Variants in RARB observed in about 807,000 individuals in gnomAD.
RARB encodes the protein HBV-activated protein.
Under a neutral mutation model 51.9 loss-of-function variants are expected in RARB, and 17 were observed. That is an observed-to-expected ratio of 0.33 (90% confidence interval 0.22 to 0.49). The LOEUF (loss-of-function observed/expected upper bound fraction) is 0.49. Among genes scored for constraint, RARB ranks in the 20% least tolerant of loss-of-function variants. The probability of loss-of-function intolerance (pLI) is 0.99; values close to 1 mark genes in which losing one functional copy is unlikely to be tolerated. For missense variants in RARB, 369 were observed against 550.8 expected (o/e 0.67, Z 3.30); for synonymous variants, 215 against 195.4 (o/e 1.10, Z -0.84).
At chr3:25,214,821 C>T (rs1446160723) in intron 5 of RARB, among the ~76,000 whole-genome samples, 1 of 152,222 alleles carries the variant, frequency 6.6e-6, no homozygotes, top group East Asian at 1.9e-4. Context: ...AAAACAGAGG[C>T]TAAGCCTTTT....
chr3:25,162,955 G>C (rs768475489), intron 4 of RARB, among the ~76,000 whole-genome samples: 4 of 152,176 alleles, frequency 2.6e-5, no homozygotes, highest in Admixed American at 6.5e-5. Context: ...AAATTACTGG[G>C]TTATATGGTA....
At chr3:25,061,761 A>G (rs539029505) in intron 3 of RARB, among the ~76,000 whole-genome samples, 1 of 151,932 alleles carries the variant, frequency 6.6e-6, no homozygotes, top group South Asian at 2.1e-4. Flanking sequence ...GTTAATAATG[A>G]CTATGGTTTA....
At chr3:25,137,988 A>G (rs769732466) in intron 4 of RARB, among the ~76,000 whole-genome samples, 1 of 152,116 alleles carries the variant, frequency 6.6e-6, no homozygotes, top group Non-Finnish European at 1.5e-5. Flanking sequence ...CTTTTTACCT[A>G]AGATCAAATT....
chr3:25,087,750 G>A (rs1699128449), intron 3 of RARB, among the ~76,000 whole-genome samples: 1 of 151,966 alleles, frequency 6.6e-6, no homozygotes. Flanking sequence ...GGCAGTAAAA[G>A]AGAAAGTGCT....
chr3:25,184,366 G>A (rs1219829400), intron 5 of RARB, among the ~76,000 whole-genome samples: 2 of 152,086 alleles, frequency 1.3e-5, no homozygotes, highest in South Asian at 4.1e-4. Flanking sequence ...AGAGTTACCT[G>A]GCTGTTGTTT....
intron 1 of RARB, among the ~76,000 whole-genome samples, chr3:25,444,060 A>C (rs1046914762): frequency 6.6e-5 from 10 of 152,226 alleles, no homozygotes; most frequent in African/African-American, 2.4e-4. Flanking sequence ...AAAGTAAAAC[A>C]ATCACTATCA....
At chr3:24,928,182 T>C (rs912662750) in intron 2 of RARB, among the ~76,000 whole-genome samples, 5 of 151,972 alleles carry the variant, frequency 3.3e-5, no homozygotes, top group African/African-American at 1.2e-4. Flanking sequence ...AAAGTCAATG[T>C]CATTTGTAGG....
chr3:25,530,431 G>A (rs1381265919), intron 3 of RARB, among the ~76,000 whole-genome samples: 1 of 152,106 alleles, frequency 6.6e-6, no homozygotes, highest in African/African-American at 2.4e-5. Context: ...GTCCACAATG[G>A]GTCTCACTGA....
intron 5 of RARB, among the ~76,000 whole-genome samples, chr3:25,385,000 A>G (rs1007568569): frequency 2.0e-5 from 3 of 152,194 alleles, no homozygotes; most frequent in Non-Finnish European, 4.4e-5. Flanking sequence ...AATGCATCAT[A>G]AACTCTTATA....
At chr3:25,389,050 C>T (rs998334794) in intron 5 of RARB, among the ~76,000 whole-genome samples, 2 of 152,072 alleles carry the variant, frequency 1.3e-5, no homozygotes, top group Admixed American at 6.6e-5. Context: ...ATGAAAATAG[C>T]TTCATAATAT....
intron 5 of RARB, among the ~76,000 whole-genome samples, chr3:25,361,913 G>C (rs1705949880): frequency 6.6e-6 from 1 of 152,166 alleles, no homozygotes; most frequent in Non-Finnish European, 1.5e-5. Flanking sequence ...TGAGGTATCT[G>C]TCGACCCCTG....
At chr3:25,314,462 G>A (rs1704368569) in intron 5 of RARB, among the ~76,000 whole-genome samples, 2 of 152,284 alleles carry the variant, frequency 1.3e-5, no homozygotes, top group East Asian at 3.9e-4. Context: ...AGAGCTGTAA[G>A]ATTTTAAGAT....
At chr3:25,533,814 G>A (rs1456076403) in intron 3 of RARB, among the ~76,000 whole-genome samples, 2 of 152,196 alleles carry the variant, frequency 1.3e-5, no homozygotes, top group Non-Finnish European at 2.9e-5. Context: ...GTAATTGAAA[G>A]CATGATTTAA....
At chr3:24,835,185 A>G (rs538661394) in intron 1 of RARB, among the ~76,000 whole-genome samples, 98 of 152,326 alleles carry the variant, frequency 6.4e-4, no homozygotes, top group Non-Finnish European at 1.2e-3. Flanking sequence ...TGCATTCATC[A>G]TGTCAAACTT....
intron 2 of RARB, among the ~76,000 whole-genome samples, chr3:25,033,306 A>G (rs1422433663): frequency 6.6e-6 from 1 of 152,236 alleles, no homozygotes; most frequent in Admixed American, 6.5e-5. Flanking sequence ...TCTATTGTTA[A>G]AGATAGCTGT....
intron 5 of RARB, among the ~76,000 whole-genome samples, chr3:25,253,872 A>G (rs1702792455): frequency 6.6e-6 from 1 of 152,140 alleles, no homozygotes; most frequent in Non-Finnish European, 1.5e-5. Context: ...TTTAGCTTAA[A>G]ACGATAACTT....
At chr3:24,934,134 G>A (rs919800562) in intron 2 of RARB, among the ~76,000 whole-genome samples, 1 of 152,072 alleles carries the variant, frequency 6.6e-6, no homozygotes, top group Non-Finnish European at 1.5e-5. Context: ...CTGAGGTTTT[G>A]TGTTCATCAT....
At chr3:25,206,529 C>T (rs566531936) in intron 5 of RARB, among the ~76,000 whole-genome samples, 45 of 152,154 alleles carry the variant, frequency 3.0e-4, no homozygotes, top group Admixed American at 1.2e-3. Flanking sequence ...TTGAACCTTT[C>T]GAGAAAATCT....
chr3:24,977,014 G>A (rs1163431340), intron 2 of RARB, among the ~76,000 whole-genome samples: 1 of 152,160 alleles, frequency 6.6e-6, no homozygotes, highest in Non-Finnish European at 1.5e-5. Context: ...TTATTAAATA[G>A]GGAATCCTTT....
Sources: gnomAD v4.1 joint callset for allele counts (sites outside exome capture counted in the v4.1 genomes callset) on GRCh38, gnomAD v4.1.1 for gene constraint, MANE v1.5 for transcripts, NCBI Gene and HGNC (gene_info 2026-07-23, HGNC 2026-07-21) for gene names.